Variants in CLN3 observed in about 807,000 individuals in gnomAD.
CLN3 encodes battenin.
A neutral mutation model predicts 60.7 loss-of-function variants in CLN3; 49 were observed. That is an observed-to-expected ratio of 0.81 (90% CI 0.64 to 1.02). The LOEUF (loss-of-function observed/expected upper bound fraction) is 1.02, where lower values mean the gene tolerates loss of function less well. Ranked by LOEUF, CLN3 falls within the 50% of genes least tolerant of loss-of-function variation. CLN3 has a pLI of 0.00. For synonymous variants in CLN3, 256 were observed against 245.8 expected (o/e 1.04, Z -0.39); for missense variants, 516 against 557.4 (o/e 0.93, Z 0.75).
chr16:28,482,778 TCACTTCCATGC>T, intron 10 of CLN3, 106 bp from the exon 11 acceptor site: 1 of 1,198,064 alleles, frequency 8.3e-7, no homozygotes, highest in South Asian at 1.3e-5. Flanking sequence ...CAGTGGGAAC[TCACTTCCATGC>T]CACTGGATTG....
At chr16:28,487,773 G>A (rs943430313) in intron 5 of CLN3, 32 bp from the exon 6 acceptor site, 1 of 1,570,402 alleles carries the variant, frequency 6.4e-7, no homozygotes, top group Admixed American at 1.7e-5. Context: ...AGACCGCAGA[G>A]CTTCCAGGGG....
downstream of CLN3, chr16:28,469,931 C>T (rs1218761750): frequency 3.5e-6 from 1 of 285,794 alleles, no homozygotes; most frequent in Non-Finnish European, 6.7e-6. Flanking sequence ...GAGATCTTGC[C>T]ACTGCACTCC....
At chr16:28,477,112 G>C (rs74688922), downstream of CLN3, 2,418 of 305,366 alleles carry the variant, frequency 7.9e-3, 49 homozygotes, top group African/African-American at 0.047. Context: ...CTCCAGCCTA[G>C]GTGACAGAGT....
chr16:28,489,873 A>G (rs937336290), intron 3 of CLN3, among the ~76,000 whole-genome samples: 2 of 152,054 alleles, frequency 1.3e-5, no homozygotes, highest in African/African-American at 2.4e-5. Flanking sequence ...CCTGAGCAAT[A>G]TGGAGAAACC....
At chr16:28,481,439 C>T (rs1596555457) in intron 14 of CLN3, among the ~76,000 whole-genome samples, 1 of 133,568 alleles carries the variant, frequency 7.5e-6, no homozygotes, top group Non-Finnish European at 1.6e-5. Flanking sequence ...CACACACACA[C>T]ACACACACAC....
intron 14 of CLN3, chr16:28,479,873 G>C (rs1276541567): frequency 6.4e-6 from 1 of 156,634 alleles, no homozygotes; most frequent in African/African-American, 2.4e-5. Flanking sequence ...TTATAAATTT[G>C]GGGTTTTGTG....
In CLN3 at chr16:28,486,712, A is replaced by T; in HGVS notation, c.461-62T>A. On this transcript the variant is annotated intron_variant, in intron 7 of 15. Transcript: ENST00000636147. Reference sequence around the variant, plus strand: ...ACCTTGCCACACTGCCCAGGCCTCTAATGTGTCTGGCCATGGCCTCCTCAG... The same window carrying T: ...ACCTTGCCACACTGCCCAGGCCTCTTATGTGTCTGGCCATGGCCTCCTCAG... 2.0e-6 allele frequency: 3 copies of T among 1,491,198 alleles called. No homozygotes were observed. In the African/African-American group the frequency reaches 4.2e-5, roughly 21 times the overall value. The allele number at this position is 1,491,198 out of a possible 1,614,324, so 92.4% of individuals were successfully genotyped here. A position where few individuals can be genotyped will look rare whatever the true frequency, so the allele number is the denominator to read the frequency against.
At chr16:28,484,410 G>A in intron 9 of CLN3, 5 of 397,578 alleles carry the variant, frequency 1.3e-5, no homozygotes, top group South Asian at 1.2e-4. Flanking sequence ...ATGCAGTGGT[G>A]CAATCATAGC....
chr16:28,470,523 C>A (rs539540078), downstream of CLN3: 104 of 782,610 alleles, frequency 1.3e-4, no homozygotes, highest in Non-Finnish European at 1.6e-4. Context: ...GGGACGGGGA[C>A]CGGGGCCGGA....
chr16:28,489,399 G>A lies in CLN3; in HGVS notation c.126-13C>T, dbSNP rs770454063. On this transcript the variant is annotated splice_polypyrimidine_tract_variant and intron_variant, in intron 3 of 15. Coordinates refer to ENST00000636147, the MANE Select transcript of CLN3 (RefSeq NM_001042432.2). ...AAGGCCCAGCAGCCTGGAAGGAGCA[G>A]GACAGGTCTCAACTCCCTCCTCATC... The A allele has an allele frequency of 1.9e-6, 3 of 1,594,554 alleles. No individual in the cohort carries two copies. The South Asian group carries it at 3.4e-5, about 18-fold the overall frequency.
At position 28,486,942 on chromosome 16, in the gene CLN3, G is replaced by C. The variant is rs185911781; in HGVS notation, c.461-292C>G. On this transcript the variant is annotated intron_variant, in intron 7 of 15. Transcript: ENST00000636147. ...CTTTTCTTTTTGGAGACGGAGTCTC[G>C]CCCTGTCACCCAGGCTGGAGTACAG... 3.8e-5 allele frequency: 17 copies of C among 449,842 alleles called. No individual in the cohort carries two copies. In the East Asian group the frequency reaches 7.5e-4, roughly 20 times the overall value. The allele number at this position is 449,842 out of a possible 1,614,324, so 27.9% of individuals were successfully genotyped here.
chr16:28,472,056 A>G (rs2045954520), downstream of CLN3, among the ~76,000 whole-genome samples: 2 of 152,336 alleles, frequency 1.3e-5, no homozygotes, highest in South Asian at 4.1e-4. Flanking sequence ...GAGGATTCAC[A>G]TTTCCTATTT....
chr16:28,473,329 G>T (rs2045967233), downstream of CLN3, among the ~76,000 whole-genome samples: 1 of 151,872 alleles, frequency 6.6e-6, no homozygotes, highest in East Asian at 1.9e-4. Flanking sequence ...GGCCCAAGTT[G>T]TCCTCCTGCC....
chr16:28,477,227 T>C (rs2046007725), downstream of CLN3: 2 of 466,696 alleles, frequency 4.3e-6, no homozygotes, highest in East Asian at 4.2e-5. Flanking sequence ...AGTGGGCATG[T>C]ATTACTTTCA....
At chr16:28,467,572 GT>G in the CLN3 span, among the ~76,000 whole-genome samples, 34 of 140,714 alleles carry the variant, frequency 2.4e-4, no homozygotes, top group African/African-American at 8.6e-4. Flanking sequence ...TTTTGTTTTT[GT>G]TTTTGTTTGG....
At chr16:28,483,080 G>T (rs2046131247) in intron 10 of CLN3, among the ~76,000 whole-genome samples, 1 of 151,286 alleles carries the variant, frequency 6.6e-6, no homozygotes, top group Non-Finnish European at 1.5e-5. Flanking sequence ...CTCCAGCCTG[G>T]GCAACAAGAG....
intron 14 of CLN3, 138 bp from the exon 15 acceptor site, chr16:28,478,015 C>T: frequency 2.1e-6 from 2 of 970,168 alleles, no homozygotes; most frequent in Admixed American, 4.3e-5. Context: ...ATCTCAACAC[C>T]AGCCCGGTGT....
At chr16:28,485,785 C>T (rs866301700) in intron 9 of CLN3, among the ~76,000 whole-genome samples, 5 of 151,210 alleles carry the variant, frequency 3.3e-5, no homozygotes, top group Admixed American at 6.6e-5. Context: ...GCATTACCCT[C>T]ATCACCTCCA....
At chr16:28,484,869 G>A (rs1004967641) in intron 9 of CLN3, 1 of 151,530 alleles carries the variant, frequency 6.6e-6, no homozygotes. Context: ...TTCTTTAAAT[G>A]GACTCACTTT....
Sources: allele counts gnomAD v4.1 joint callset (sites outside exome capture counted in the v4.1 genomes callset), GRCh38; gene constraint gnomAD v4.1.1; transcripts MANE v1.5; gene names NCBI Gene and HGNC (gene_info 2026-07-23, HGNC 2026-07-21).